ENPEP: variants seen among roughly 807,000 people sequenced by gnomAD.
ENPEP encodes the protein AP-A.
ENPEP carries 103 observed loss-of-function variants against 114.5 expected under a neutral mutation model. That is an observed-to-expected ratio of 0.90 (90% confidence interval 0.77 to 1.06). The LOEUF is 1.06. Ranked by LOEUF, ENPEP falls within the 50% of genes least tolerant of loss-of-function variation. ENPEP has a pLI of 0.00. For synonymous variants in ENPEP, 420 were observed against 422.0 expected (o/e 1.00, Z 0.06); for missense variants, 1,196 against 1,161.3 (o/e 1.03, Z -0.43).
chr4:110,482,638 G>A (rs181554908), intron 1 of ENPEP, among the ~76,000 whole-genome samples: 41 of 152,252 alleles, frequency 2.7e-4, no homozygotes, highest in Middle Eastern at 6.8e-3. Context: ...AATTTTTGTC[G>A]TATGTCAGTT....
At chr4:110,548,142 T>A (rs1727140966) in intron 13 of ENPEP, 34 bp from the exon 14 acceptor site, 1 of 299,522 alleles carries the variant, frequency 3.3e-6, no homozygotes, top group Non-Finnish European at 3.8e-6. Flanking sequence ...ACTGTGAGTT[T>A]TTTTTTTTTT....
chr4:110,524,643 C>A (rs1726128693), intron 10 of ENPEP, among the ~76,000 whole-genome samples: 1 of 152,092 alleles, frequency 6.6e-6, no homozygotes. Flanking sequence ...AAAAATCAAA[C>A]CCTTAACAGG....
intron 3 of ENPEP, among the ~76,000 whole-genome samples, chr4:110,498,021 A>G (rs1578395766): frequency 6.6e-6 from 1 of 152,164 alleles, no homozygotes; most frequent in East Asian, 1.9e-4. Context: ...ATATAGATTT[A>G]TTTTCTCTTT....
intron 3 of ENPEP, among the ~76,000 whole-genome samples, chr4:110,491,878 GC>G (rs1337051781): frequency 6.6e-6 from 1 of 151,618 alleles, no homozygotes; most frequent in African/African-American, 2.4e-5. Flanking sequence ...CCGCCACCAC[GC>G]CTGGCTAATT....
Position 110,564,769 on chromosome 4 carries a change from G to C in ENPEP, c.*3211G>C, listed in dbSNP as rs1229215920. The C allele has an allele frequency of 6.6e-6, 1 of 152,176 alleles. No homozygotes were observed. The highest frequency in any genetic ancestry group is 1.5e-5 in the Non-Finnish European group (1 of 68,034). 9.4% of individuals were successfully genotyped at this position (152,176 alleles called of 1,614,324 possible). A position where few individuals can be genotyped will look rare whatever the true frequency, so the allele number is the denominator to read the frequency against. ...GTGACTTGCTTTGGCCAGTGAAACA[G>C]AGTGAAAATGATGTATGTCAATTTT... On this transcript the variant is annotated 3_prime_UTR_variant, in exon 20 of 20. Coordinates refer to ENST00000265162, the MANE Select transcript of ENPEP (RefSeq NM_001977.4).
intron 11 of ENPEP, among the ~76,000 whole-genome samples, chr4:110,538,851 C>T (rs556343755): frequency 6.6e-6 from 1 of 150,504 alleles, no homozygotes; most frequent in South Asian, 2.1e-4. Flanking sequence ...ATAGGGAGTC[C>T]CAAGGGGAAG....
At chr4:110,529,318 T>A (rs781112499) in intron 10 of ENPEP, among the ~76,000 whole-genome samples, 1 of 152,194 alleles carries the variant, frequency 6.6e-6, no homozygotes, top group Non-Finnish European at 1.5e-5. Context: ...AGGTAAGATG[T>A]GGCATCTTAG....
At chr4:110,545,481 C>G (rs897535895) in intron 13 of ENPEP, among the ~76,000 whole-genome samples, 1 of 152,010 alleles carries the variant, frequency 6.6e-6, no homozygotes, top group Non-Finnish European at 1.5e-5. Context: ...TCAGGCCAGT[C>G]ACCTGCAATG....
At chr4:110,539,540 TC>T (rs1726772683) in intron 11 of ENPEP, among the ~76,000 whole-genome samples, 1 of 152,122 alleles carries the variant, frequency 6.6e-6, no homozygotes, top group East Asian at 1.9e-4. Context: ...ATTACTCGTG[TC>T]TTTCAGTTGT....
intron 6 of ENPEP, 35 bp from the exon 7 acceptor site, chr4:110,513,380 A>C: frequency 1.3e-6 from 2 of 1,592,314 alleles, no homozygotes; most frequent in Non-Finnish European, 1.7e-6. Context: ...TATAAAGGAA[A>C]TACTATATTC....
At chr4:110,545,407 A>G (rs1386414523) in intron 13 of ENPEP, among the ~76,000 whole-genome samples, 3 of 152,038 alleles carry the variant, frequency 2.0e-5, no homozygotes, top group Non-Finnish European at 4.4e-5. Context: ...TTCTCAGTCA[A>G]GTAAAATCAT....
chr4:110,519,815 T>C (rs750102402), intron 8 of ENPEP, among the ~76,000 whole-genome samples, 193 bp from the exon 9 acceptor site: 6 of 152,138 alleles, frequency 3.9e-5, no homozygotes, highest in Non-Finnish European at 5.9e-5. Context: ...AGAAGAAGAA[T>C]ATTTTATGAT....
At chr4:110,545,049 A>G (rs1727003179) in intron 13 of ENPEP, among the ~76,000 whole-genome samples, 1 of 152,090 alleles carries the variant, frequency 6.6e-6, no homozygotes, top group Non-Finnish European at 1.5e-5. Flanking sequence ...CATTGGTTAG[A>G]GCCAAGAGGG....
Position 110,476,572 on chromosome 4 carries a change from C to T in ENPEP, c.158C>T (p.Thr53Ile). Residue 53 changes from threonine to isoleucine, a missense_variant, in exon 1 of 20, where the codon ACT (threonine) becomes ATT (isoleucine). Thr to Ile is a moderately conservative substitution (Grantham distance 89). Coordinates refer to ENST00000265162, the MANE Select transcript of ENPEP (RefSeq NM_001977.4). ...CDSSGDGGPG[T>I]APAPSHLPSS... ...TCCAGCGGGGACGGCGGGCCGGGCA[C>T]TGCGCCAGCTCCTTCCCACCTGCCT... 6.2e-7 allele frequency: 1 copy of T among 1,613,622 alleles called. No homozygotes were observed. Among genetic ancestry groups the T allele is most frequent in the Non-Finnish European group, 8.5e-7 (1 of 1,179,634 alleles).
chr4:110,476,566 C>T lies in ENPEP; in HGVS notation c.152C>T (p.Pro51Leu), dbSNP rs199759636. ...TGTGACTCCAGCGGGGACGGCGGGC[C>T]GGGCACTGCGCCAGCTCCTTCCCAC... ...RSCDSSGDGGPGTAPAPSHLP... is the reference protein window; with the variant it reads ...RSCDSSGDGGLGTAPAPSHLP... The change falls in exon 1 of 20, where the codon CCG (proline) becomes CTG (leucine). Residue 51 changes from proline (P) to leucine (L), a missense_variant. Pro to Leu is a moderately conservative substitution (Grantham distance 98). Coordinates refer to ENST00000265162, the MANE Select transcript of ENPEP (RefSeq NM_001977.4). 2.2e-4 allele frequency: 350 copies of T among 1,613,362 alleles called. 3 individuals carry two copies. The highest frequency in any genetic ancestry group is 1.7e-3 in the South Asian group (155 of 91,010).
intron 17 of ENPEP, among the ~76,000 whole-genome samples, chr4:110,552,544 C>T (rs923892270): frequency 1.4e-4 from 21 of 152,110 alleles, no homozygotes; most frequent in African/African-American, 5.1e-4. Context: ...GGGTAGGATG[C>T]CATGGGGCAG....
chr4:110,494,290 G>T (rs1034952888), intron 3 of ENPEP, among the ~76,000 whole-genome samples: 1 of 152,138 alleles, frequency 6.6e-6, no homozygotes, highest in Non-Finnish European at 1.5e-5. Context: ...TAATTTCTGA[G>T]TATTAGGATT....
intron 1 of ENPEP, among the ~76,000 whole-genome samples, chr4:110,481,096 A>G (rs1050030676): frequency 6.6e-6 from 1 of 152,204 alleles, no homozygotes; most frequent in Non-Finnish European, 1.5e-5. Flanking sequence ...AGCACTTCCC[A>G]AAGTATGTAC....
At chr4:110,497,161 G>A (rs564616846) in intron 3 of ENPEP, among the ~76,000 whole-genome samples, 1 of 152,256 alleles carries the variant, frequency 6.6e-6, no homozygotes, top group African/African-American at 2.4e-5. Flanking sequence ...AACTGTTATT[G>A]TGGTGTTCTA....
Sources: gnomAD v4.1 joint callset for allele counts (sites outside exome capture counted in the v4.1 genomes callset) on GRCh38, gnomAD v4.1.1 for gene constraint, MANE v1.5 for transcripts, NCBI Gene and HGNC (gene_info 2026-07-23, HGNC 2026-07-21) for gene names.